MEMO1: variants seen among roughly 807,000 people sequenced by gnomAD.
MEMO1 encodes protein MEMO1.
In MEMO1, 6 loss-of-function variants were observed where a neutral mutation model predicts 45.2. That is an observed-to-expected ratio of 0.13 (90% CI 0.07 to 0.26). MEMO1 has a LOEUF of 0.26. Among genes scored for constraint, MEMO1 ranks in the 10% least tolerant of loss-of-function variants. MEMO1 has a pLI of 1.00. For missense variants in MEMO1, 184 were observed against 370.5 expected, an observed-to-expected ratio of 0.50 and a Z score of 4.13; for synonymous variants, 78 against 124.3, an observed-to-expected ratio of 0.63 and a Z score of 2.48.
intron 7 of MEMO1, among the ~76,000 whole-genome samples, chr2:31,884,361 T>C (rs1006459393): frequency 5.3e-5 from 8 of 150,178 alleles, no homozygotes; most frequent in Non-Finnish European, 8.9e-5. Flanking sequence ...ACTTTTGTAT[T>C]TCCTTAATGT....
chr2:31,977,539 G>T (rs1402259263), intron 2 of MEMO1, among the ~76,000 whole-genome samples: 1 of 151,592 alleles, frequency 6.6e-6, no homozygotes, highest in African/African-American at 2.4e-5. Flanking sequence ...TTTGAGAGAG[G>T]TTCTCACTCT....
intron 2 of MEMO1, among the ~76,000 whole-genome samples, chr2:31,986,276 G>C (rs1003668598): frequency 1.3e-5 from 2 of 152,046 alleles, no homozygotes; most frequent in African/African-American, 4.8e-5. Flanking sequence ...GCAGGGGCCT[G>C]TAGTCCCAGC....
chr2:31,933,348 A>AAATATATATATATATATAT (rs1558514269), intron 3 of MEMO1, among the ~76,000 whole-genome samples: 1 of 16,178 alleles, frequency 6.2e-5, no homozygotes, highest in Non-Finnish European at 1.0e-4. Flanking sequence ...AAAAAAAAAA[A>AAATATATATATATATATAT]ATTTATATAT....
intron 6 of MEMO1, among the ~76,000 whole-genome samples, chr2:31,913,405 AG>A (rs1439907868): frequency 6.6e-6 from 1 of 152,118 alleles, no homozygotes; most frequent in Non-Finnish European, 1.5e-5. Flanking sequence ...GATCTTTACT[AG>A]AAAGTCTCAG....
At chr2:31,955,151 C>T (rs889547139) in intron 2 of MEMO1, among the ~76,000 whole-genome samples, 4 of 151,670 alleles carry the variant, frequency 2.6e-5, no homozygotes, top group Non-Finnish European at 5.9e-5. Flanking sequence ...GCAGGAAGAT[C>T]GCTTGAGTCC....
chr2:31,953,293 G>C (rs1179918074), intron 2 of MEMO1, among the ~76,000 whole-genome samples: 1 of 150,188 alleles, frequency 6.7e-6, no homozygotes, highest in African/African-American at 2.5e-5. Flanking sequence ...CTGGAACCCA[G>C]GAGGCAGAGG....
chr2:32,007,292 C>T (rs891860906), intron 2 of MEMO1, among the ~76,000 whole-genome samples: 5 of 152,134 alleles, frequency 3.3e-5, no homozygotes, highest in Non-Finnish European at 5.9e-5. Context: ...TGTTCAAATA[C>T]TCTTCCTTCA....
intron 6 of MEMO1, among the ~76,000 whole-genome samples, chr2:31,917,407 G>T (rs1242424724): frequency 2.0e-5 from 3 of 152,104 alleles, no homozygotes; most frequent in East Asian, 3.9e-4. Flanking sequence ...AATAGATATT[G>T]TCCCTGTCCT....
chr2:31,972,565 G>A (rs1197935517), intron 2 of MEMO1, among the ~76,000 whole-genome samples: 1 of 152,070 alleles, frequency 6.6e-6, no homozygotes, highest in Non-Finnish European at 1.5e-5. Context: ...ACCAAAATTA[G>A]CCAGGCATAG....
chr2:31,912,506 TC>T (rs1355718372), intron 6 of MEMO1, among the ~76,000 whole-genome samples: 1 of 132,132 alleles, frequency 7.6e-6, no homozygotes, highest in African/African-American at 2.9e-5. Context: ...AGAATGAAAC[TC>T]TGTCTCAAAA....
At chr2:31,981,758 A>C (rs1030578903) in intron 2 of MEMO1, among the ~76,000 whole-genome samples, 2 of 152,234 alleles carry the variant, frequency 1.3e-5, no homozygotes, top group African/African-American at 4.8e-5. Context: ...GAAAACCAAC[A>C]ACCAGGGGGA....
chr2:31,897,211 A>C (rs1003623477), intron 6 of MEMO1, among the ~76,000 whole-genome samples: 2 of 151,890 alleles, frequency 1.3e-5, no homozygotes, highest in Admixed American at 6.5e-5. Flanking sequence ...AATACAGTTT[A>C]TTTCTTTCTC....
intron 4 of MEMO1, among the ~76,000 whole-genome samples, chr2:31,930,577 G>C (rs1416495920): frequency 1.3e-5 from 2 of 151,980 alleles, no homozygotes; most frequent in Admixed American, 1.3e-4. Flanking sequence ...AAAAGAAAAG[G>C]CTGTTATATA....
chr2:31,955,028 C>G (rs1667249895), intron 2 of MEMO1, among the ~76,000 whole-genome samples: 1 of 151,680 alleles, frequency 6.6e-6, no homozygotes, highest in South Asian at 2.1e-4. Flanking sequence ...ATCACTTGAG[C>G]TCAGGAGTTC....
chr2:31,917,878 A>C, intron 6 of MEMO1, 48 bp downstream of exon 6: 1 of 1,295,780 alleles, frequency 7.7e-7, no homozygotes. Flanking sequence ...TTACCAAAGA[A>C]ATTAATGTCT....
chr2:31,967,031 T>C lies in MEMO1; in HGVS notation c.62-23648A>G, dbSNP rs372681023. Among the ~76,000 whole-genome samples the C allele has an allele frequency of 1.6e-3, 242 of 152,294 alleles. 9 individuals are homozygous for C. In the South Asian group the frequency reaches 0.048, roughly 30 times the overall value. ...AAATAGTAATCCATACTAAACTGTT[T>C]TGTAGTTATTGACATAATTTCATTA... On this transcript the variant is annotated intron_variant, in intron 2 of 9. Coordinates refer to ENST00000404530, the MANE Select transcript of MEMO1 (RefSeq NM_001301833.4).
chr2:31,972,856 G>C (rs1368529623), intron 2 of MEMO1, among the ~76,000 whole-genome samples: 1 of 152,124 alleles, frequency 6.6e-6, no homozygotes, highest in Non-Finnish European at 1.5e-5. Flanking sequence ...GACTTAAATA[G>C]ACATTTCTCC....
intron 8 of MEMO1, among the ~76,000 whole-genome samples, chr2:31,882,767 G>A (rs1675606292): frequency 6.6e-6 from 1 of 151,978 alleles, no homozygotes; most frequent in South Asian, 2.1e-4. Context: ...AGGTAAAGGG[G>A]CAATAATTTA....
rs1669090004 is a variant in MEMO1, at chr2:31,969,586, G to GT, written c.62-26204_62-26203insA. 1.5e-3 allele frequency among the ~76,000 whole-genome samples: 177 copies of GT among 119,258 alleles called. 1 individual carries two copies. Among genetic ancestry groups the GT allele is most frequent in the African/African-American group, 3.1e-3 (94 of 30,548 alleles). The allele number at this position is 119,258 out of a possible 152,430, so 78.2% of individuals were successfully genotyped here. On this transcript the variant is annotated intron_variant, in intron 2 of 9. Coordinates refer to ENST00000404530, the MANE Select transcript of MEMO1 (RefSeq NM_001301833.4). ...AATCTTTTCTGGGGGTGTGTGTGTG[G>GT]GTGTGTGTGTGTGTGTGTGTGTGTG...
Sources: gnomAD v4.1 joint callset for allele counts (sites outside exome capture counted in the v4.1 genomes callset) on GRCh38, gnomAD v4.1.1 for gene constraint, MANE v1.5 for transcripts, NCBI Gene and HGNC (gene_info 2026-07-23, HGNC 2026-07-21) for gene names.